Variants in ROR1 observed in about 807,000 individuals in gnomAD.
ROR1 encodes ROR family WNT receptor 1.
ROR1 carries 19 observed loss-of-function variants against 78.8 expected under a neutral mutation model. That is an observed-to-expected ratio of 0.24 (90% CI 0.17 to 0.35). The LOEUF is 0.35. Ranked by LOEUF, ROR1 falls within the 10% of genes least tolerant of loss-of-function variation. ROR1 has a pLI of 1.00. For synonymous variants in ROR1, 386 were observed against 433.6 expected (o/e 0.89, Z 1.36); for missense variants, 917 against 1,177.8 (o/e 0.78, Z 3.24).
At chr1:63,843,319 C>T (rs942674358) in intron 1 of ROR1, 51 of 1,203,470 alleles carry the variant, frequency 4.2e-5, no homozygotes, top group African/African-American at 1.0e-4. Flanking sequence ...AGCTTCTTGA[C>T]GGCGTCCTTG....
chr1:64,059,573 G>A (rs1470872750), intron 4 of ROR1, among the ~76,000 whole-genome samples: 1 of 152,062 alleles, frequency 6.6e-6, no homozygotes, highest in Non-Finnish European at 1.5e-5. Flanking sequence ...GCCAGGCATG[G>A]TGGCATGCGC....
chr1:63,876,781 T>C (rs780755585), intron 1 of ROR1, among the ~76,000 whole-genome samples: 2 of 151,760 alleles, frequency 1.3e-5, no homozygotes, highest in Non-Finnish European at 2.9e-5. Context: ...TTAGGTTGGC[T>C]ATACAGCAAT....
chr1:63,938,422 G>C (rs1214247733), intron 1 of ROR1, among the ~76,000 whole-genome samples: 1 of 152,032 alleles, frequency 6.6e-6, no homozygotes, highest in South Asian at 2.1e-4. Flanking sequence ...TATCTGGCTT[G>C]GTGCTCCAGA....
intron 4 of ROR1, among the ~76,000 whole-genome samples, chr1:64,132,784 AGAG>A (rs1163072092): frequency 7.3e-6 from 1 of 136,218 alleles, no homozygotes; most frequent in African/African-American, 3.0e-5. Flanking sequence ...AAAAAAAAAA[AGAG>A]AGAGAGATAG....
intron 4 of ROR1, among the ~76,000 whole-genome samples, chr1:64,129,691 T>C (rs753535869): frequency 6.6e-6 from 1 of 152,216 alleles, no homozygotes; most frequent in African/African-American, 2.4e-5. Flanking sequence ...AAATCACTCA[T>C]TCTTTTGATT....
chr1:64,057,594 G>A (rs1351668507), intron 4 of ROR1, among the ~76,000 whole-genome samples: 5 of 152,112 alleles, frequency 3.3e-5, no homozygotes, highest in African/African-American at 9.7e-5. Flanking sequence ...TACCTCTTAA[G>A]GCCTTTCATC....
At chr1:63,956,256 C>T (rs1045066959) in intron 1 of ROR1, among the ~76,000 whole-genome samples, 5 of 152,190 alleles carry the variant, frequency 3.3e-5, no homozygotes, top group Non-Finnish European at 7.3e-5. Context: ...CTGTATCGCT[C>T]TAGCTGGGTG....
At chr1:63,860,772 G>GAAAAA (rs1319567628) in intron 1 of ROR1, among the ~76,000 whole-genome samples, 1 of 116,796 alleles carries the variant, frequency 8.6e-6, no homozygotes, top group Non-Finnish European at 1.8e-5. Context: ...CTGTCTCGGG[G>GAAAAA]AAAAAAAAAA....
At chr1:63,798,368 A>G (rs907002196) in intron 1 of ROR1, among the ~76,000 whole-genome samples, 2 of 152,176 alleles carry the variant, frequency 1.3e-5, no homozygotes, top group African/African-American at 4.8e-5. Flanking sequence ...ACTCTTGGTT[A>G]GAATAATCTA....
chr1:64,134,578 C>T (rs907592312), intron 4 of ROR1, among the ~76,000 whole-genome samples: 5 of 152,074 alleles, frequency 3.3e-5, no homozygotes, highest in African/African-American at 1.2e-4. Flanking sequence ...ACACTTAATA[C>T]ATGTTTGGTT....
At chr1:63,828,975 T>C (rs1006107811) in intron 1 of ROR1, among the ~76,000 whole-genome samples, 17 of 152,248 alleles carry the variant, frequency 1.1e-4, no homozygotes, top group Non-Finnish European at 2.2e-4. Flanking sequence ...TATTTTTCCA[T>C]CATATCATCG....
chr1:64,132,860 G>A (rs781235323), intron 4 of ROR1, among the ~76,000 whole-genome samples: 8 of 151,302 alleles, frequency 5.3e-5, no homozygotes, highest in Non-Finnish European at 4.4e-5. Context: ...AGTACCGATC[G>A]GTTCAGCTAT....
intron 1 of ROR1, among the ~76,000 whole-genome samples, chr1:63,808,257 CCTT>C (rs989848948): frequency 6.8e-4 from 104 of 152,244 alleles, no homozygotes; most frequent in African/African-American, 2.5e-3. Flanking sequence ...TCCTTTTTCT[CCTT>C]CTGTTGGGCT....
At chr1:63,856,318 A>T (rs111464418) in intron 1 of ROR1, among the ~76,000 whole-genome samples, 35 of 152,332 alleles carry the variant, frequency 2.3e-4, no homozygotes, top group African/African-American at 8.4e-4. Context: ...TACTTAGTCT[A>T]TAACTAATTA....
rs144619749 is a variant in ROR1, at chr1:64,058,087, A to G, written c.482+7371A>G. 1.2e-3 allele frequency among the ~76,000 whole-genome samples: 178 copies of G among 152,186 alleles called. 1 individual carries two copies. Among genetic ancestry groups the G allele is most frequent in the African/African-American group, 4.0e-3 (166 of 41,540 alleles). On this transcript the variant is annotated intron_variant, in intron 4 of 8. Transcript: ENST00000371079. ...ATTCTTAAGTATTTGATTATCTTTCATGCTATTGGAAATGGAATTTTTTCT... is the reference window on the plus strand; with the variant it reads ...ATTCTTAAGTATTTGATTATCTTTCGTGCTATTGGAAATGGAATTTTTTCT...
chr1:63,932,556 C>T (rs1480370006), intron 1 of ROR1, among the ~76,000 whole-genome samples: 5 of 152,126 alleles, frequency 3.3e-5, no homozygotes, highest in African/African-American at 1.2e-4. Context: ...CCCCCAAAGC[C>T]AAGGAAGAAT....
At chr1:63,871,553 G>T (rs1645251425) in intron 1 of ROR1, among the ~76,000 whole-genome samples, 1 of 152,160 alleles carries the variant, frequency 6.6e-6, no homozygotes, top group African/African-American at 2.4e-5. Flanking sequence ...CAAGCACCTT[G>T]GAAGCAGTGA....
Position 63,774,575 on chromosome 1 carries a change from A to T in ROR1, c.91+67A>T. The T allele has an allele frequency of 1.2e-6, 1 of 826,454 alleles. No homozygotes were observed. The allele number at this position is 826,454 out of a possible 1,614,324, so 51.2% of individuals were successfully genotyped here. A position where few individuals can be genotyped will look rare whatever the true frequency, so the allele number is the denominator to read the frequency against. The stretch of plus-strand genomic sequence containing the variant: ...ACCCGTGGCCACCCTTCCGCCGTCC[A>T]GCCGGGCGCGGGACACGCAGGAAGC... On this transcript the variant is annotated intron_variant, in intron 1 of 8. Coordinates refer to ENST00000371079, the MANE Select transcript of ROR1 (RefSeq NM_005012.4). The surrounding 1 kb of genome is among the most constrained non-coding windows in gnomAD (Gnocchi z 5.7).
At chr1:64,097,575 GTA>G (rs10632011) in intron 4 of ROR1, among the ~76,000 whole-genome samples, 2 of 149,042 alleles carry the variant, frequency 1.3e-5, no homozygotes, top group African/African-American at 2.5e-5. Context: ...ATTTCATATA[GTA>G]TATATATATA....
Sources: allele counts gnomAD v4.1 joint callset (sites outside exome capture counted in the v4.1 genomes callset), GRCh38; gene constraint gnomAD v4.1.1; non-coding constraint Gnocchi (gnomAD v3.1); transcripts MANE v1.5; gene names NCBI Gene and HGNC (gene_info 2026-07-23, HGNC 2026-07-21).